The following ZMAT4 variants were observed in gnomAD, a reference collection of about 807,000 sequenced individuals.
ZMAT4 encodes the protein zinc finger matrin-type protein 4.
Under a neutral mutation model 28.7 loss-of-function variants are expected in ZMAT4, and 17 were observed. The ratio of observed to expected loss-of-function variants is 0.59; its 90% confidence interval spans 0.41 to 0.89. The LOEUF is 0.89. Among genes scored for constraint, ZMAT4 ranks in the 40% least tolerant of loss-of-function variants. The pLI, the probability that ZMAT4 is intolerant of heterozygous loss-of-function variation, is 0.00. For missense variants in ZMAT4, 240 were observed against 283.8 expected (o/e 0.85, Z 1.11); for synonymous variants, 117 against 109.2 (o/e 1.07, Z -0.44).
At chr8:40,872,891 C>G (rs1398733785) in intron 1 of ZMAT4, among the ~76,000 whole-genome samples, 1 of 152,010 alleles carries the variant, frequency 6.6e-6, no homozygotes, top group African/African-American at 2.4e-5. Context: ...TCCACACAGC[C>G]CTTAACAAAA....
intron 4 of ZMAT4, among the ~76,000 whole-genome samples, chr8:40,682,931 T>C (rs1396770334): frequency 6.6e-6 from 1 of 152,212 alleles, no homozygotes; most frequent in Non-Finnish European, 1.5e-5. Context: ...TTAGAGGGGA[T>C]AAAAGTCCTT....
chr8:40,734,056 G>C (rs1811654006), intron 3 of ZMAT4, among the ~76,000 whole-genome samples: 1 of 152,174 alleles, frequency 6.6e-6, no homozygotes, highest in Non-Finnish European at 1.5e-5. Context: ...CTCAAAGATA[G>C]CAGGATTTTA....
intron 2 of ZMAT4, among the ~76,000 whole-genome samples, chr8:40,782,018 A>T (rs1316044411): frequency 1.3e-5 from 2 of 152,200 alleles, no homozygotes; most frequent in Non-Finnish European, 2.9e-5. Context: ...TGAGTTAAAC[A>T]ATGGCTTCTT....
intron 3 of ZMAT4, among the ~76,000 whole-genome samples, chr8:40,737,235 C>A (rs1811805856): frequency 6.6e-6 from 1 of 151,550 alleles, no homozygotes. Context: ...TTTAGCTCGT[C>A]AGCTATCATT....
intron 1 of ZMAT4, among the ~76,000 whole-genome samples, chr8:40,834,114 G>T (rs1421257146): frequency 6.6e-6 from 1 of 152,170 alleles, no homozygotes; most frequent in Non-Finnish European, 1.5e-5. Flanking sequence ...CTGACTCAGA[G>T]GCATCGGCCA....
chr8:40,605,690 G>C (rs941800450), intron 5 of ZMAT4, among the ~76,000 whole-genome samples: 21 of 152,088 alleles, frequency 1.4e-4, no homozygotes, highest in African/African-American at 4.8e-4. Flanking sequence ...TTTGTTCTAG[G>C]GTATAGTTTA....
At chr8:40,542,541 AC>A (rs1022736101) in intron 6 of ZMAT4, among the ~76,000 whole-genome samples, 20 of 151,970 alleles carry the variant, frequency 1.3e-4, no homozygotes, top group Admixed American at 1.1e-3. Context: ...CGTACATGCC[AC>A]CACTCCCAGC....
At chr8:40,683,399 A>G (rs184862171) in intron 4 of ZMAT4, among the ~76,000 whole-genome samples, 228 of 152,348 alleles carry the variant, frequency 1.5e-3, no homozygotes, top group African/African-American at 5.1e-3. Flanking sequence ...ACAGTTCTCA[A>G]ACTCTGTGCA....
chr8:40,584,509 C>CA lies in ZMAT4; in HGVS notation c.578-3249dup, dbSNP rs1314329093. On this transcript the variant is annotated intron_variant, in intron 5 of 6. Transcript: ENST00000297737. ...ACAGAATTTATGTATTTACAAGTAG[C>CA]AAAGGACTCTACTACTTAAAAATAA... Among the ~76,000 whole-genome samples, 24 of 152,204 alleles carry CA rather than the reference C, an allele frequency of 1.6e-4. No individual in the cohort carries two copies. The South Asian group carries it at 2.7e-3, about 17-fold the overall frequency.
chr8:40,760,717 T>C (rs966974918), intron 3 of ZMAT4, among the ~76,000 whole-genome samples: 2 of 151,116 alleles, frequency 1.3e-5, no homozygotes, highest in African/African-American at 4.9e-5. Flanking sequence ...TCTCTCTCTC[T>C]CTCTCTCTCT....
intron 2 of ZMAT4, among the ~76,000 whole-genome samples, chr8:40,776,242 C>G (rs78202000): frequency 6.6e-6 from 1 of 152,126 alleles, no homozygotes; most frequent in Admixed American, 6.5e-5. Context: ...TAGGTCACTT[C>G]GTTTCTTCCA....
chr8:40,863,089 G>A (rs1817562190), intron 1 of ZMAT4, among the ~76,000 whole-genome samples: 1 of 152,188 alleles, frequency 6.6e-6, no homozygotes, highest in African/African-American at 2.4e-5. Flanking sequence ...GTCATCTGAG[G>A]GTGAGGAGAG....
At chr8:40,651,361 A>C (rs1162766398) in intron 5 of ZMAT4, among the ~76,000 whole-genome samples, 2 of 152,318 alleles carry the variant, frequency 1.3e-5, no homozygotes, top group African/African-American at 2.4e-5. Flanking sequence ...CTAGGAATGC[A>C]ACTTACAAGG....
chr8:40,815,911 C>T (rs1304735844), intron 2 of ZMAT4, among the ~76,000 whole-genome samples: 2 of 152,174 alleles, frequency 1.3e-5, no homozygotes, highest in Admixed American at 1.3e-4. Context: ...CCCAAACACT[C>T]GGTTTCAACA....
chr8:40,540,268 G>A (rs944832830), intron 6 of ZMAT4, among the ~76,000 whole-genome samples: 10 of 152,116 alleles, frequency 6.6e-5, no homozygotes, highest in African/African-American at 1.4e-4. Context: ...TTCAAGCTGC[G>A]GGCAGGAAGT....
At chr8:40,638,224 C>T (rs1212952737) in intron 5 of ZMAT4, among the ~76,000 whole-genome samples, 2 of 152,134 alleles carry the variant, frequency 1.3e-5, no homozygotes, top group African/African-American at 2.4e-5. Context: ...AATGTTCCCA[C>T]CCCAAGGAAA....
chr8:40,660,959 C>CT (rs1318075635), intron 5 of ZMAT4, among the ~76,000 whole-genome samples: 1 of 152,090 alleles, frequency 6.6e-6, no homozygotes, highest in Non-Finnish European at 1.5e-5. Context: ...GAAAGCATGT[C>CT]TTTTTTTAGA....
intron 1 of ZMAT4, among the ~76,000 whole-genome samples, chr8:40,847,299 C>T (rs574514893): frequency 2.6e-5 from 4 of 151,590 alleles, no homozygotes; most frequent in Admixed American, 6.6e-5. Flanking sequence ...CTAAAAAATG[C>T]GTAGAGTCAT....
intron 1 of ZMAT4, among the ~76,000 whole-genome samples, chr8:40,865,497 T>G (rs1278464911): frequency 6.6e-6 from 1 of 152,096 alleles, no homozygotes; most frequent in Non-Finnish European, 1.5e-5. Flanking sequence ...ACCCTATGAG[T>G]GAGCCCAGGC....
Sources: allele counts gnomAD v4.1 joint callset (sites outside exome capture counted in the v4.1 genomes callset), GRCh38; gene constraint gnomAD v4.1.1; transcripts MANE v1.5; gene names NCBI Gene and HGNC (gene_info 2026-07-23, HGNC 2026-07-21).